The following GALNT17 variants were observed in gnomAD, a reference collection of about 807,000 sequenced individuals.
The protein encoded by GALNT17 is UDP-GalNAc:polypeptide N-acetylgalactosaminyltransferase-like 3.
In GALNT17, 29 loss-of-function variants were observed where a neutral mutation model predicts 63.7. The ratio of observed to expected loss-of-function variants is 0.46; its 90% CI spans 0.34 to 0.62. The LOEUF (loss-of-function observed/expected upper bound fraction) is 0.62. Among genes scored for constraint, GALNT17 ranks in the 20% least tolerant of loss-of-function variants. The pLI, the probability that GALNT17 is intolerant of heterozygous loss-of-function variation, is 0.01. For missense variants in GALNT17, 603 were observed against 799.6 expected, an observed-to-expected ratio of 0.75 and a Z score of 2.97; for synonymous variants, 305 against 318.3, an observed-to-expected ratio of 0.96 and a Z score of 0.45.
At chr7:71,415,268 A>G (rs1345897042) in intron 3 of GALNT17, among the ~76,000 whole-genome samples, 1 of 152,160 alleles carries the variant, frequency 6.6e-6, no homozygotes, top group Non-Finnish European at 1.5e-5. Context: ...AGCCTCCCTA[A>G]GATTATGTCT....
chr7:71,634,552 G>A (rs756589668), intron 6 of GALNT17, among the ~76,000 whole-genome samples: 4 of 151,852 alleles, frequency 2.6e-5, no homozygotes, highest in Non-Finnish European at 4.4e-5. Context: ...TCAGGACCTC[G>A]AGACCAGCCT....
At chr7:71,446,276 A>C (rs1022480950) in intron 5 of GALNT17, among the ~76,000 whole-genome samples, 2 of 152,210 alleles carry the variant, frequency 1.3e-5, no homozygotes, top group African/African-American at 4.8e-5. Flanking sequence ...ATTCATTATA[A>C]AATTTATACT....
chr7:71,141,426 C>T (rs1787889354), intron 1 of GALNT17, among the ~76,000 whole-genome samples: 2 of 151,666 alleles, frequency 1.3e-5, no homozygotes, highest in South Asian at 2.1e-4. Flanking sequence ...TTTCCACTGT[C>T]ACTTATTACC....
intron 2 of GALNT17, among the ~76,000 whole-genome samples, chr7:71,344,052 T>A (rs1373473608): frequency 6.6e-6 from 1 of 152,080 alleles, no homozygotes; most frequent in African/African-American, 2.4e-5. Context: ...CCAGAGGACT[T>A]CAAAGAGAGT....
At chr7:71,402,851 T>A (rs973981614) in intron 3 of GALNT17, among the ~76,000 whole-genome samples, 3 of 152,184 alleles carry the variant, frequency 2.0e-5, no homozygotes, top group African/African-American at 7.2e-5. Context: ...GCTGAGGCTC[T>A]GAGTGAAATA....
At chr7:71,485,246 C>T (rs1222180946) in intron 5 of GALNT17, among the ~76,000 whole-genome samples, 2 of 152,100 alleles carry the variant, frequency 1.3e-5, no homozygotes, top group African/African-American at 2.4e-5. Flanking sequence ...GCTGGAACTA[C>T]AGGCATGCAA....
chr7:71,626,552 C>G (rs1562714942), intron 6 of GALNT17, among the ~76,000 whole-genome samples: 1 of 152,154 alleles, frequency 6.6e-6, no homozygotes, highest in Non-Finnish European at 1.5e-5. Context: ...TCTTTGTTTT[C>G]AAGATAATTG....
chr7:71,499,950 C>T (rs1444349506), intron 5 of GALNT17, among the ~76,000 whole-genome samples: 1 of 152,164 alleles, frequency 6.6e-6, no homozygotes, highest in African/African-American at 2.4e-5. Context: ...AGCTTTTCCT[C>T]CTTTTGCTTA....
intron 6 of GALNT17, among the ~76,000 whole-genome samples, chr7:71,629,968 C>A (rs922340105): frequency 2.7e-5 from 4 of 145,758 alleles, no homozygotes; most frequent in African/African-American, 7.7e-5. Context: ...AGCTGATAAA[C>A]CCTCCTCATG....
At chr7:71,547,876 C>T (rs1562685766) in intron 5 of GALNT17, among the ~76,000 whole-genome samples, 1 of 151,964 alleles carries the variant, frequency 6.6e-6, no homozygotes, top group Non-Finnish European at 1.5e-5. Flanking sequence ...TTTAAGGACA[C>T]TTATAGCACT....
rs936383321 is a variant in GALNT17, at chr7:71,571,819, G to A, written c.1080+417G>A. Reference sequence around the variant, plus strand: ...ACTTAAGACCAGGCATTCAAGACAAGCCTGGGCAACAGAGCAAGACCCTGT... The same window carrying A: ...ACTTAAGACCAGGCATTCAAGACAAACCTGGGCAACAGAGCAAGACCCTGT... On this transcript the variant is annotated intron_variant, in intron 6 of 10. Transcript: ENST00000333538. Among the ~76,000 whole-genome samples the A allele has an allele frequency of 3.3e-5, 5 of 152,194 alleles. No homozygotes were observed. In the East Asian group the frequency reaches 7.7e-4, roughly 23 times the overall value.
At chr7:71,478,951 G>A (rs1349384189) in intron 5 of GALNT17, among the ~76,000 whole-genome samples, 3 of 152,140 alleles carry the variant, frequency 2.0e-5, no homozygotes, top group African/African-American at 7.2e-5. Context: ...ATTTGGTTCT[G>A]GAGACCATAA....
At chr7:71,498,537 A>C (rs1263091976) in intron 5 of GALNT17, among the ~76,000 whole-genome samples, 1 of 152,186 alleles carries the variant, frequency 6.6e-6, no homozygotes, top group Admixed American at 6.5e-5. Flanking sequence ...GTGAATGTTT[A>C]GCGTCATAGT....
chr7:71,703,025 A>G (rs10256029), intron 9 of GALNT17, among the ~76,000 whole-genome samples: 21,169 of 152,196 alleles, frequency 0.14, 1,701 homozygotes, highest in African/African-American at 0.21. Flanking sequence ...TGGAATTGAG[A>G]GAAATTTTTG....
At chr7:71,157,384 G>T (rs1168471577) in intron 1 of GALNT17, among the ~76,000 whole-genome samples, 1 of 151,854 alleles carries the variant, frequency 6.6e-6, no homozygotes, top group South Asian at 2.1e-4. Context: ...TTGGCTGGGC[G>T]CGGTGGCTCA....
intron 3 of GALNT17, among the ~76,000 whole-genome samples, chr7:71,414,995 A>T (rs539114226): frequency 4.7e-5 from 7 of 150,202 alleles, no homozygotes; most frequent in Non-Finnish European, 1.0e-4. Context: ...TTTTTTTTTT[A>T]AATGCCTTTA....
At chr7:71,608,972 G>A (rs954754576) in intron 6 of GALNT17, among the ~76,000 whole-genome samples, 15 of 149,630 alleles carry the variant, frequency 1.0e-4, no homozygotes, top group African/African-American at 3.7e-4. Flanking sequence ...GTAGCGATGG[G>A]GTCCTGTTTT....
intron 6 of GALNT17, among the ~76,000 whole-genome samples, chr7:71,636,658 G>C (rs1254010864): frequency 1.3e-5 from 2 of 152,184 alleles, no homozygotes; most frequent in African/African-American, 4.8e-5. Context: ...GACTTAGCAG[G>C]CTTCTCTGGC....
intron 1 of GALNT17, among the ~76,000 whole-genome samples, chr7:71,290,553 A>G (rs1341530867): frequency 2.6e-5 from 4 of 152,188 alleles, no homozygotes; most frequent in Non-Finnish European, 5.9e-5. Context: ...CTGGCACAGC[A>G]TTAAAGAGAG....
Sources: gnomAD v4.1 joint callset for allele counts (sites outside exome capture counted in the v4.1 genomes callset) on GRCh38, gnomAD v4.1.1 for gene constraint, MANE v1.5 for transcripts, NCBI Gene and HGNC (gene_info 2026-07-23, HGNC 2026-07-21) for gene names.